TMEM63C: variants seen among roughly 807,000 people sequenced by gnomAD.
The protein encoded by TMEM63C is transmembrane protein 63C.
TMEM63C carries 32 observed loss-of-function variants against 99.2 expected under a neutral mutation model. The observed-to-expected ratio is 0.32, with a 90% CI of 0.24 to 0.43. The LOEUF (loss-of-function observed/expected upper bound fraction) is 0.43, where lower values mean the gene tolerates loss of function less well. Among genes scored for constraint, TMEM63C ranks in the 20% least tolerant of loss-of-function variants. The probability of loss-of-function intolerance (pLI) is 1.00; values close to 1 mark genes in which losing one functional copy is unlikely to be tolerated. For missense variants in TMEM63C, 826 were observed against 1,053.0 expected (o/e 0.78, Z 2.98); for synonymous variants, 376 against 397.9 (o/e 0.94, Z 0.66).
chr14:77,214,783 C>G (rs1325293887), intron 2 of TMEM63C, among the ~76,000 whole-genome samples: 1 of 151,942 alleles, frequency 6.6e-6, no homozygotes, highest in African/African-American at 2.4e-5. Context: ...TGTCCTAGAC[C>G]CGATCACCAC....
Position 77,246,133 on chromosome 14 carries a change from C to T in TMEM63C, c.1535+107C>T, listed in dbSNP as rs112064567. ...GCCTGTGATTGCTGCAAACCCACTC[C>T]TCAAAGACAGCCCCATGCCTGTCAT... On this transcript the variant is annotated intron_variant, in intron 17 of 23. Transcript: ENST00000298351. The T allele has an allele frequency of 7.7e-5, 68 of 881,706 alleles. No individual in the cohort carries two copies. The African/African-American group carries it at 9.2e-4, about 12-fold the overall frequency. 54.6% of individuals were successfully genotyped at this position (881,706 alleles called of 1,614,324 possible). A position where few individuals can be genotyped will look rare whatever the true frequency, so the allele number is the denominator to read the frequency against.
intron 9 of TMEM63C, among the ~76,000 whole-genome samples, chr14:77,238,117 A>G (rs2140123680): frequency 6.6e-6 from 1 of 152,262 alleles, no homozygotes; most frequent in East Asian, 1.9e-4. Context: ...TGTCATCTTA[A>G]AGGTGACGAC....
At chr14:77,251,609 T>C (rs1443859956) in intron 21 of TMEM63C, 180 bp from the exon 22 acceptor site, 3 of 602,284 alleles carry the variant, frequency 5.0e-6, no homozygotes, top group Non-Finnish European at 8.9e-6. Context: ...GATGCCAAAT[T>C]CTAACAGAGC....
chr14:77,210,856 C>A (rs1297366996), intron 1 of TMEM63C, among the ~76,000 whole-genome samples: 2 of 152,046 alleles, frequency 1.3e-5, no homozygotes, highest in Non-Finnish European at 2.9e-5. Context: ...GGAGCTGTGG[C>A]TTTGTGCACT....
chr14:77,216,302 G>A (rs1888585460), intron 2 of TMEM63C, among the ~76,000 whole-genome samples: 1 of 152,050 alleles, frequency 6.6e-6, no homozygotes, highest in Non-Finnish European at 1.5e-5. Flanking sequence ...CTCCTTCTCT[G>A]TTTCCTCCTC....
At chr14:77,223,094 G>A (rs983481803) in intron 5 of TMEM63C, among the ~76,000 whole-genome samples, 1 of 152,200 alleles carries the variant, frequency 6.6e-6, no homozygotes, top group African/African-American at 2.4e-5. Flanking sequence ...AAAGTGCAGA[G>A]CCTCAGACAA....
intron 20 of TMEM63C, 61 bp from the exon 21 acceptor site, chr14:77,249,230 G>A (rs1889316438): frequency 3.8e-6 from 6 of 1,562,972 alleles, no homozygotes; most frequent in African/African-American, 1.4e-5. Context: ...TGGAGACACT[G>A]GAGCCACAAA....
intron 1 of TMEM63C, among the ~76,000 whole-genome samples, chr14:77,199,809 T>C (rs1185679113): frequency 2.0e-5 from 3 of 152,206 alleles, no homozygotes; most frequent in Non-Finnish European, 2.9e-5. Flanking sequence ...GGCTGAATTG[T>C]GTCCCTGCTC....
chr14:77,229,404 C>T (rs1390522280), intron 6 of TMEM63C, among the ~76,000 whole-genome samples: 1 of 151,868 alleles, frequency 6.6e-6, no homozygotes, highest in African/African-American at 2.4e-5. Flanking sequence ...TCAAAACAAA[C>T]AAACAAACAA....
At chr14:77,202,541 T>G (rs1386212866) in intron 1 of TMEM63C, among the ~76,000 whole-genome samples, 1 of 152,164 alleles carries the variant, frequency 6.6e-6, no homozygotes, top group Non-Finnish European at 1.5e-5. Context: ...TCCTAGTTCC[T>G]GGGGGTTGTC....
chr14:77,184,564 A>G (rs1028255386), intron 1 of TMEM63C, among the ~76,000 whole-genome samples: 2 of 152,222 alleles, frequency 1.3e-5, no homozygotes, highest in African/African-American at 4.8e-5. Context: ...CGTGGTGCTC[A>G]GGCCATGGGC....
At position 77,256,909 on chromosome 14, in the gene TMEM63C, A is replaced by G; in HGVS notation, c.*183A>G. ...GGTCCTGACCTGCTGCCCGGCTGGA[A>G]CTGGGGGTGCTCGGCAGTGCTGAAG... On this transcript the variant is annotated 3_prime_UTR_variant, in exon 24 of 24. Coordinates refer to ENST00000298351, the MANE Select transcript of TMEM63C (RefSeq NM_020431.4). 6.5e-6 allele frequency: 4 copies of G among 618,186 alleles called. No homozygotes were observed. In the South Asian group the frequency reaches 8.1e-5, roughly 12 times the overall value. The allele number at this position is 618,186 out of a possible 1,614,324, so 38.3% of individuals were successfully genotyped here. A position where few individuals can be genotyped will look rare whatever the true frequency, so the allele number is the denominator to read the frequency against.
At chr14:77,246,941 T>C (rs897071228) in intron 18 of TMEM63C, among the ~76,000 whole-genome samples, 1 of 152,142 alleles carries the variant, frequency 6.6e-6, no homozygotes, top group South Asian at 2.1e-4. Flanking sequence ...GCAGGGTGGG[T>C]GTTCCATGAG....
Position 77,249,295 on chromosome 14 carries a change from G to T in TMEM63C, c.1875G>T (p.Leu625Phe). The T allele has an allele frequency of 6.2e-7, 1 of 1,613,938 alleles. No homozygotes were observed. Among genetic ancestry groups the T allele is most frequent in the South Asian group, 1.1e-5 (1 of 91,082 alleles). ...GTTTCCACCTTTGTCCCCCAGGGTTGCTCTACCTGTGCATGAAGCACTTGA... is the reference window on the plus strand; with the variant it reads ...GTTTCCACCTTTGTCCCCCAGGGTTTCTCTACCTGTGCATGAAGCACTTGA... Reference protein sequence around the residue: ...ITCPIIVPFGLLYLCMKHLTD... With the variant: ...ITCPIIVPFGFLYLCMKHLTD... Residue 625 changes from leucine to phenylalanine, a missense_variant, in exon 21 of 24, where the codon TTG (leucine) becomes TTT (phenylalanine). By Grantham distance (22) the Leu-to-Phe change is conservative. Coordinates refer to ENST00000298351, the MANE Select transcript of TMEM63C (RefSeq NM_020431.4).
chr14:77,255,078 T>C (rs1308604746), intron 23 of TMEM63C, among the ~76,000 whole-genome samples: 1 of 152,186 alleles, frequency 6.6e-6, no homozygotes, highest in East Asian at 1.9e-4. Context: ...GCAACCTCCA[T>C]CTCCTGGGTT....
At position 77,200,008 on chromosome 14, in the gene TMEM63C, G is replaced by A. The variant is rs114246363; in HGVS notation, c.-76-13438G>A. The stretch of plus-strand genomic sequence containing the variant: ...AGCAGATTGTCGCAGACAGAAGGAG[G>A]GATCCCTCTCTTCCCCCAGAAATAG... On this transcript the variant is annotated intron_variant, in intron 1 of 23. Transcript: ENST00000298351. Among the ~76,000 whole-genome samples, 536 of 152,278 alleles carry A rather than the reference G, an allele frequency of 3.5e-3. 3 individuals are homozygous for A. The highest frequency in any genetic ancestry group is 0.012 in the African/African-American group (518 of 41,544).
rs1889524702 is a variant in TMEM63C, at chr14:77,258,790, G to GC, written c.*2069dup. On this transcript the variant is annotated 3_prime_UTR_variant, in exon 24 of 24. Coordinates refer to ENST00000298351, the MANE Select transcript of TMEM63C (RefSeq NM_020431.4). ...TGCTGGACACAGCTCCCTGGCCCCT[G>GC]CCCCCAGCCCCTGCAGCCCCTGCCG... 1 of 152,530 alleles carries GC rather than the reference G, an allele frequency of 6.6e-6. No homozygotes were observed. Among genetic ancestry groups the GC allele is most frequent in the East Asian group, 1.9e-4 (1 of 5,202 alleles). 9.4% of individuals were successfully genotyped at this position (152,530 alleles called of 1,614,324 possible).
At chr14:77,237,468 A>G (rs1327876206) in intron 9 of TMEM63C, among the ~76,000 whole-genome samples, 1 of 152,186 alleles carries the variant, frequency 6.6e-6, no homozygotes, top group Non-Finnish European at 1.5e-5. Flanking sequence ...AGGCAACCAA[A>G]AAAAGGGAGC....
At chr14:77,256,445 G>A (rs946216648) in intron 23 of TMEM63C, 81 bp from the exon 24 acceptor site, 4 of 1,385,206 alleles carry the variant, frequency 2.9e-6, no homozygotes, top group Non-Finnish European at 4.0e-6. Context: ...CGATGGGGGT[G>A]GGGCATGAGG....
Sources: allele counts gnomAD v4.1 joint callset (sites outside exome capture counted in the v4.1 genomes callset), GRCh38; gene constraint gnomAD v4.1.1; transcripts MANE v1.5; gene names NCBI Gene and HGNC (gene_info 2026-07-23, HGNC 2026-07-21).